The following PCBP2 variants were observed in gnomAD, a reference collection of about 807,000 sequenced individuals.
PCBP2 encodes the protein poly(rC)-binding protein 2.
A neutral mutation model predicts 50.1 loss-of-function variants in PCBP2; 4 were observed. The observed-to-expected ratio is 0.08, with a 90% confidence interval of 0.04 to 0.18. The LOEUF (loss-of-function observed/expected upper bound fraction) is 0.18. PCBP2 is among the 10% of genes least tolerant of loss of function. The pLI is 1.00. For synonymous variants in PCBP2, 179 were observed against 168.0 expected (o/e 1.07, Z -0.51); for missense variants, 161 against 474.3 (o/e 0.34, Z 6.14).
chr12:53,462,309 T>C (rs1941505385), intron 7 of PCBP2, among the ~76,000 whole-genome samples, 184 bp from the exon 8 acceptor site: 1 of 152,234 alleles, frequency 6.6e-6, no homozygotes, highest in Non-Finnish European at 1.5e-5. Context: ...TTGGACTTAC[T>C]GCATTAAAGG....
intron 5 of PCBP2, among the ~76,000 whole-genome samples, chr12:53,456,948 A>AC (rs1327019539): frequency 2.6e-5 from 4 of 152,102 alleles, no homozygotes; most frequent in South Asian, 2.1e-4. Context: ...TTACCTTTTG[A>AC]CCCCCGGGAT....
intron 9 of PCBP2, chr12:53,465,064 T>G (rs1189551909): frequency 4.3e-6 from 2 of 461,502 alleles, no homozygotes; most frequent in Non-Finnish European, 7.1e-6. Flanking sequence ...TTTTAATTTT[T>G]TTTTTGTTCA....
chr12:53,468,917 C>CTTTTTTTTTTTTTTTTTTTTTTTTTTTT lies in PCBP2; in HGVS notation c.882+104_882+105insTTTTTTTTTTTTTTTTTTTTTTTTTTTT, dbSNP rs5798266. On this transcript the variant is annotated intron_variant, in intron 13 of 14. Coordinates refer to ENST00000546463, the MANE Select transcript of PCBP2 (RefSeq NM_031989.5). Reference sequence around the variant, plus strand: ...GTCGTTTCAGCAGTGTCCTGCTACCCTTTTTTTTTTTTTTTTTTTAAACAG... The same window carrying CTTTTTTTTTTTTTTTTTTTTTTTTTTTT: ...GTCGTTTCAGCAGTGTCCTGCTACCCTTTTTTTTTTTTTTTTTTTTTTTTTTTTTTTTTTTTTTTTTTTTTTTAAACAG... 6 of 574,584 alleles carry CTTTTTTTTTTTTTTTTTTTTTTTTTTTT rather than the reference C, an allele frequency of 1.0e-5. No individual in the cohort carries two copies. In the African/African-American group the frequency reaches 1.3e-4, roughly 13 times the overall value. The allele number at this position is 574,584 out of a possible 1,614,324, so 35.6% of individuals were successfully genotyped here.
intron 2 of PCBP2, among the ~76,000 whole-genome samples, 195 bp downstream of exon 2, chr12:53,455,064 CA>C (rs1447970374): frequency 2.0e-5 from 3 of 152,290 alleles, no homozygotes; most frequent in African/African-American, 7.2e-5. Context: ...GCAGGAAAGG[CA>C]TAATTAGAGG....
chr12:53,477,114 G>C (rs948659681), intron 14 of PCBP2, among the ~76,000 whole-genome samples: 4 of 151,872 alleles, frequency 2.6e-5, no homozygotes, highest in African/African-American at 9.7e-5. Flanking sequence ...TTCTCCCTGC[G>C]TCACCTCCCC....
At chr12:53,454,532 T>C in intron 1 of PCBP2, 194 bp from the exon 2 acceptor site, 1 of 405,922 alleles carries the variant, frequency 2.5e-6, no homozygotes, top group Non-Finnish European at 4.5e-6. Flanking sequence ...AACTGGAAAG[T>C]TGCCTTCTAT....
intron 14 of PCBP2, chr12:53,474,774 T>G (rs1018486002): frequency 2.9e-6 from 1 of 347,622 alleles, no homozygotes; most frequent in African/African-American, 2.1e-5. Context: ...CACTTACTGA[T>G]ATAACTGAAG....
chr12:53,465,435 C>T (rs536062779), intron 9 of PCBP2, among the ~76,000 whole-genome samples: 4 of 152,120 alleles, frequency 2.6e-5, no homozygotes, highest in Admixed American at 1.3e-4. Context: ...ATCCAGTGTT[C>T]TTAAGGTCTT....
chr12:53,468,042 A>G, intron 12 of PCBP2, 199 bp downstream of exon 12: 1 of 585,702 alleles, frequency 1.7e-6, no homozygotes, highest in Admixed American at 3.0e-5. Flanking sequence ...ATGATGAGAC[A>G]GCAGCCATAG....
intron 14 of PCBP2, among the ~76,000 whole-genome samples, chr12:53,474,621 T>G (rs1942452117): frequency 6.6e-6 from 1 of 152,194 alleles, no homozygotes; most frequent in South Asian, 2.1e-4. Flanking sequence ...TATGATTTCT[T>G]TTCTCTGTCA....
chr12:53,459,959 A>C (rs777653439), intron 6 of PCBP2: 1 of 431,866 alleles, frequency 2.3e-6, no homozygotes, highest in African/African-American at 2.0e-5. Context: ...GTGTTTTGCC[A>C]TGTGGCCCAG....
chr12:53,476,547 C>T (rs181925409), intron 14 of PCBP2, among the ~76,000 whole-genome samples: 83 of 152,118 alleles, frequency 5.5e-4, no homozygotes, highest in Non-Finnish European at 9.9e-4. Flanking sequence ...CGAGAGTACA[C>T]GTTGCCACAG....
intron 6 of PCBP2, chr12:53,459,775 A>G: frequency 3.0e-6 from 1 of 336,626 alleles, no homozygotes; most frequent in Non-Finnish European, 6.0e-6. Flanking sequence ...CTTTTTTTTG[A>G]CACGGTCTCA....
intron 12 of PCBP2, chr12:53,468,209 CAG>C (rs1002040262): frequency 4.6e-6 from 1 of 218,910 alleles, no homozygotes. Context: ...GAACAAAAGA[CAG>C]GGACTAAATC....
intron 14 of PCBP2, chr12:53,475,538 T>A (rs1942523933): frequency 6.1e-6 from 1 of 163,768 alleles, no homozygotes; most frequent in African/African-American, 2.4e-5. Context: ...GAATAAAAGC[T>A]GCTTCGTTAA....
chr12:53,463,292 T>C (rs1941580903), intron 8 of PCBP2, among the ~76,000 whole-genome samples: 2 of 152,202 alleles, frequency 1.3e-5, no homozygotes, highest in South Asian at 4.1e-4. Flanking sequence ...TAGATTATTA[T>C]GACAGAAGCA....
chr12:53,454,583 T>G, intron 1 of PCBP2, 143 bp from the exon 2 acceptor site: 1 of 554,564 alleles, frequency 1.8e-6, no homozygotes, highest in Non-Finnish European at 3.3e-6. Context: ...TGTCATGCAG[T>G]TGTGCTTGGT....
chr12:53,464,272 A>C (rs1262461977), intron 8 of PCBP2, among the ~76,000 whole-genome samples: 4 of 149,376 alleles, frequency 2.7e-5, no homozygotes, highest in African/African-American at 5.0e-5. Context: ...TCCACTCCCC[A>C]TCACACCTCC....
intron 5 of PCBP2, 40 bp downstream of exon 5, chr12:53,456,041 G>C: frequency 8.3e-7 from 1 of 1,199,202 alleles, no homozygotes; most frequent in Non-Finnish European, 1.2e-6. Flanking sequence ...ATTTTTAAGT[G>C]CTTCCAGAGA....
Sources: gnomAD v4.1 joint callset for allele counts (sites outside exome capture counted in the v4.1 genomes callset) on GRCh38, gnomAD v4.1.1 for gene constraint, MANE v1.5 for transcripts, NCBI Gene and HGNC (gene_info 2026-07-23, HGNC 2026-07-21) for gene names.